The following CDCA7L variants were observed in gnomAD, a reference collection of about 807,000 sequenced individuals.
CDCA7L encodes cell division cycle associated 7 like, also known as cell division cycle-associated 7-like protein.
CDCA7L carries 44 observed loss-of-function variants against 57.4 expected under a neutral mutation model. The observed-to-expected ratio is 0.77, with a 90% CI of 0.60 to 0.98. CDCA7L has a LOEUF of 0.98. CDCA7L is among the 50% of genes least tolerant of loss of function. CDCA7L has a pLI of 0.00. For synonymous variants in CDCA7L, 236 were observed against 202.8 expected (o/e 1.16, Z -1.39); for missense variants, 644 against 580.6 (o/e 1.11, Z -1.12).
At chr7:21,908,046 G>T in intron 4 of CDCA7L, 84 bp downstream of exon 4, 1 of 1,419,180 alleles carries the variant, frequency 7.0e-7, no homozygotes, top group Non-Finnish European at 9.3e-7. Flanking sequence ...AGCAGCAGCT[G>T]TAGGAGCAAA....
chr7:21,916,436 C>G (rs1220347770), intron 2 of CDCA7L, among the ~76,000 whole-genome samples: 1 of 150,004 alleles, frequency 6.7e-6, no homozygotes, highest in African/African-American at 2.5e-5. Context: ...GTGGGAAGAC[C>G]CTGAACACAG....
intron 1 of CDCA7L, among the ~76,000 whole-genome samples, chr7:21,924,990 G>A (rs148185867): frequency 7.6e-4 from 115 of 152,160 alleles, no homozygotes; most frequent in African/African-American, 2.6e-3. Context: ...TGAATGGGGA[G>A]GACTTTCACC....
At chr7:21,939,937 C>G (rs1562638832) in intron 1 of CDCA7L, among the ~76,000 whole-genome samples, 1 of 144,718 alleles carries the variant, frequency 6.9e-6, no homozygotes, top group Non-Finnish European at 1.5e-5. Context: ...GCAAACAACC[C>G]TAAATCTCAA....
At chr7:21,945,263 A>T (rs978476468) in intron 1 of CDCA7L, among the ~76,000 whole-genome samples, 4 of 152,140 alleles carry the variant, frequency 2.6e-5, no homozygotes, top group African/African-American at 9.7e-5. Context: ...AATGGTTACT[A>T]ATTCCTTGAA....
chr7:21,945,454 C>T (rs972292919), intron 1 of CDCA7L, among the ~76,000 whole-genome samples: 1 of 152,180 alleles, frequency 6.6e-6, no homozygotes, highest in Non-Finnish European at 1.5e-5. Context: ...GCCCCTCCCC[C>T]GTCTCACGAG....
chr7:21,909,431 G>A (rs1193871389), intron 3 of CDCA7L, among the ~76,000 whole-genome samples: 1 of 152,000 alleles, frequency 6.6e-6, no homozygotes, highest in East Asian at 1.9e-4. Flanking sequence ...CACCGATACG[G>A]ACCCAGGATC....
At chr7:21,912,328 T>C (rs1048152751) in intron 2 of CDCA7L, among the ~76,000 whole-genome samples, 11 of 152,078 alleles carry the variant, frequency 7.2e-5, no homozygotes, top group African/African-American at 2.4e-4. Flanking sequence ...ATATATTACA[T>C]ATATACACAT....
chr7:21,901,577 AAAAGTACATCAT>A lies in CDCA7L; in HGVS notation c.*733_*744del. The A allele has an allele frequency of 5.4e-6, 1 of 186,742 alleles. No individual in the cohort carries two copies. The highest frequency in any genetic ancestry group is 1.1e-5 in the Non-Finnish European group (1 of 91,502). The allele number at this position is 186,742 out of a possible 1,614,324, so 11.6% of individuals were successfully genotyped here. On this transcript the variant is annotated 3_prime_UTR_variant, in exon 10 of 10. Transcript: ENST00000406877. ...GAACAAGACTCCATCTCAAAAAAAA[AAAAGTACATCAT>A]AAAAGTACATCATATGTGAACATGC...
At chr7:21,918,121 T>G (rs1785543621) in intron 1 of CDCA7L, among the ~76,000 whole-genome samples, 1 of 152,246 alleles carries the variant, frequency 6.6e-6, no homozygotes, top group Admixed American at 6.5e-5. Context: ...ATAGGTGACA[T>G]GTACTCCTCA....
intron 2 of CDCA7L, among the ~76,000 whole-genome samples, chr7:21,913,698 G>A (rs1341535291): frequency 2.0e-5 from 3 of 152,322 alleles, no homozygotes; most frequent in South Asian, 4.1e-4. Context: ...AAGGGAACAG[G>A]GCAAGCCTTG....
At chr7:21,934,765 T>G (rs536782844) in intron 1 of CDCA7L, among the ~76,000 whole-genome samples, 1 of 152,250 alleles carries the variant, frequency 6.6e-6, no homozygotes, top group South Asian at 2.1e-4. Context: ...AAAAGAGAGA[T>G]GGAGTGGCTA....
chr7:21,903,935 T>C (rs916678307), intron 8 of CDCA7L, 175 bp downstream of exon 8: 7 of 533,290 alleles, frequency 1.3e-5, no homozygotes, highest in Non-Finnish European at 1.8e-5. Context: ...CAGCTTGCTC[T>C]CCTTCCAGAA....
chr7:21,901,049 G>A lies in CDCA7L; in HGVS notation c.*1273C>T, dbSNP rs138945257. 124 of 1,613,160 alleles carry A rather than the reference G, an allele frequency of 7.7e-5. No individual in the cohort carries two copies. Among genetic ancestry groups the A allele is most frequent in the African/African-American group, 7.1e-4 (53 of 75,010 alleles). On this transcript the variant is annotated 3_prime_UTR_variant, in exon 10 of 10. Coordinates refer to ENST00000406877, the MANE Select transcript of CDCA7L (RefSeq NM_018719.5). ...CAAGCAGGAACCATTGTTGAAGCCC[G>A]TCTCAAGGAGCTGGCATGCCCTATG... is the stretch of plus-strand genomic sequence containing the variant.
At chr7:21,934,520 T>C (rs993593935) in intron 1 of CDCA7L, among the ~76,000 whole-genome samples, 2 of 152,118 alleles carry the variant, frequency 1.3e-5, no homozygotes, top group Admixed American at 1.3e-4. Flanking sequence ...AAAAAAGCCA[T>C]AGGATATACA....
chr7:21,902,663 T>G (rs1436190549), intron 9 of CDCA7L: 1 of 495,842 alleles, frequency 2.0e-6, no homozygotes, highest in Non-Finnish European at 3.6e-6. Context: ...GGCTGCCTCT[T>G]CATAATCTGT....
At chr7:21,902,465 TGACACTCGA>T (rs892400591) in intron 9 of CDCA7L, 113 bp from the exon 10 acceptor site, 1 of 1,009,914 alleles carries the variant, frequency 9.9e-7, no homozygotes, top group Non-Finnish European at 1.6e-6. Context: ...CCAGATCTCC[TGACACTCGA>T]AATCCTGACA....
chr7:21,904,320 G>C (rs1164454393), intron 7 of CDCA7L, 61 bp from the exon 8 acceptor site: 1 of 1,455,160 alleles, frequency 6.9e-7, no homozygotes, highest in Non-Finnish European at 9.2e-7. Flanking sequence ...AATGAGGCCA[G>C]ATGCCACCAT....
intron 1 of CDCA7L, among the ~76,000 whole-genome samples, chr7:21,943,540 A>G (rs1024841636): frequency 4.6e-5 from 7 of 152,222 alleles, no homozygotes; most frequent in Non-Finnish European, 8.8e-5. Context: ...CGAATTTAAC[A>G]TCTTGCTGTG....
intron 1 of CDCA7L, among the ~76,000 whole-genome samples, chr7:21,936,999 C>T (rs1786187255): frequency 6.6e-6 from 1 of 152,166 alleles, no homozygotes; most frequent in Non-Finnish European, 1.5e-5. Context: ...TATGCTTCTA[C>T]ACACTAACAA....
Sources: gnomAD v4.1 joint callset for allele counts (sites outside exome capture counted in the v4.1 genomes callset) on GRCh38, gnomAD v4.1.1 for gene constraint, MANE v1.5 for transcripts, NCBI Gene and HGNC (gene_info 2026-07-23, HGNC 2026-07-21) for gene names.